Variants in NRXN1 observed in about 807,000 individuals in gnomAD.
The protein encoded by NRXN1 is neurexin 1, also known as neurexin-1.
NRXN1 carries 39 observed loss-of-function variants against 150.9 expected under a neutral mutation model. The observed-to-expected ratio is 0.26, with a 90% CI of 0.20 to 0.34. NRXN1 has a LOEUF of 0.34. Among genes scored for constraint, NRXN1 ranks in the 10% least tolerant of loss-of-function variants. The probability of loss-of-function intolerance (pLI) is 1.00; values close to 1 mark genes in which losing one functional copy is unlikely to be tolerated. For missense variants in NRXN1, 1,815 were observed against 1,949.9 expected (o/e 0.93, Z 1.30); for synonymous variants, 924 against 757.0 (o/e 1.22, Z -3.62).
chr2:50,765,750 G>A (rs2105414670), intron 5 of NRXN1, among the ~76,000 whole-genome samples: 1 of 152,178 alleles, frequency 6.6e-6, no homozygotes, highest in South Asian at 2.1e-4. Context: ...AGCACGGTAA[G>A]GAGGGAAGCA....
intron 17 of NRXN1, among the ~76,000 whole-genome samples, chr2:50,393,563 C>T (rs1049265409): frequency 6.6e-6 from 1 of 152,058 alleles, no homozygotes; most frequent in Non-Finnish European, 1.5e-5. Flanking sequence ...TTAGGCTGTT[C>T]CAAAGTCTGG....
chr2:50,984,365 A>T (rs1434847723), intron 2 of NRXN1, among the ~76,000 whole-genome samples: 2 of 151,768 alleles, frequency 1.3e-5, no homozygotes, highest in East Asian at 3.9e-4. Context: ...TAATAAATAA[A>T]ACAAAAAGAA....
At chr2:49,991,441 A>C (rs1681936965) in intron 21 of NRXN1, among the ~76,000 whole-genome samples, 1 of 152,152 alleles carries the variant, frequency 6.6e-6, no homozygotes. Flanking sequence ...ACAATGAACA[A>C]GTAATATTCA....
intron 21 of NRXN1, among the ~76,000 whole-genome samples, chr2:49,980,935 T>G (rs564898642): frequency 2.7e-4 from 41 of 152,152 alleles, no homozygotes; most frequent in Non-Finnish European, 4.7e-4. Context: ...CAGAGAAAAG[T>G]CCTCAGCCAT....
chr2:50,785,722 G>A (rs557746219), intron 5 of NRXN1, among the ~76,000 whole-genome samples: 1 of 152,140 alleles, frequency 6.6e-6, no homozygotes, highest in Non-Finnish European at 1.5e-5. Flanking sequence ...CAGGTGAGTA[G>A]AGCAGGAGCT....
intron 5 of NRXN1, among the ~76,000 whole-genome samples, chr2:50,915,296 G>C (rs1046645081): frequency 6.6e-6 from 1 of 151,558 alleles, no homozygotes; most frequent in East Asian, 1.9e-4. Context: ...ATATCATTCT[G>C]TGAAGTCATT....
chr2:50,836,897 A>G (rs750180006), intron 5 of NRXN1, among the ~76,000 whole-genome samples: 14 of 151,784 alleles, frequency 9.2e-5, no homozygotes, highest in Non-Finnish European at 1.9e-4. Flanking sequence ...AATAGAAACC[A>G]ATTGGTTTGT....
At chr2:50,953,908 G>A (rs1691844078) in intron 2 of NRXN1, among the ~76,000 whole-genome samples, 1 of 152,116 alleles carries the variant, frequency 6.6e-6, no homozygotes, top group Admixed American at 6.5e-5. Context: ...ATGGTATATT[G>A]TAGATAGGTT....
chr2:49,942,706 T>A (rs1672215507), intron 22 of NRXN1, among the ~76,000 whole-genome samples: 1 of 152,040 alleles, frequency 6.6e-6, no homozygotes. Context: ...GCCTCCAAGA[T>A]TCAAGTGATT....
At chr2:50,404,060 T>G (rs2082580256) in intron 17 of NRXN1, among the ~76,000 whole-genome samples, 1 of 152,082 alleles carries the variant, frequency 6.6e-6, no homozygotes, top group Non-Finnish European at 1.5e-5. Flanking sequence ...AGAAAATTCA[T>G]TCTTTTTCAC....
At chr2:50,327,732 C>G (rs911864898) in intron 17 of NRXN1, among the ~76,000 whole-genome samples, 18 of 151,908 alleles carry the variant, frequency 1.2e-4, no homozygotes, top group African/African-American at 4.4e-4. Flanking sequence ...TCACTGCAAC[C>G]TCTGCCTCCC....
At chr2:50,158,234 T>C (rs2059147099) in intron 18 of NRXN1, among the ~76,000 whole-genome samples, 1 of 151,644 alleles carries the variant, frequency 6.6e-6, no homozygotes, top group Non-Finnish European at 1.5e-5. Context: ...TGTCTTTCTA[T>C]AAGTCTGTGG....
intron 18 of NRXN1, among the ~76,000 whole-genome samples, chr2:50,217,278 G>A (rs971725436): frequency 6.6e-6 from 1 of 152,016 alleles, no homozygotes; most frequent in Non-Finnish European, 1.5e-5. Context: ...TTAAAAAGCA[G>A]TAGACTTATT....
At chr2:51,026,537 A>G in intron 2 of NRXN1, 1 of 1,022,784 alleles carries the variant, frequency 9.8e-7, no homozygotes, top group Non-Finnish European at 1.5e-6. Context: ...TTAAGCCCCA[A>G]GAACCACAGA....
At position 50,347,477 on chromosome 2, in the gene NRXN1, G is replaced by A; in HGVS notation, c.3365-110507C>T. ...TTTCAAGACAGAAGCAGACCCCATG[G>A]AATCCAGGCGCCCCTTCCCTCCATT... On this transcript the variant is annotated intron_variant, in intron 17 of 22. Transcript: ENST00000401669. This position sits in a 1 kb window ranked among gnomAD's most constrained non-coding sequence, Gnocchi z 4.9. 1 of 1,072,564 alleles carries A rather than the reference G, an allele frequency of 9.3e-7. No individual in the cohort carries two copies. Among genetic ancestry groups the A allele is most frequent in the Non-Finnish European group, 1.1e-6 (1 of 880,890 alleles). The allele number at this position is 1,072,564 out of a possible 1,614,324, so 66.4% of individuals were successfully genotyped here. A position where few individuals can be genotyped will look rare whatever the true frequency, so the allele number is the denominator to read the frequency against.
intron 17 of NRXN1, among the ~76,000 whole-genome samples, chr2:50,359,826 T>C (rs755951652): frequency 9.9e-5 from 15 of 151,760 alleles, no homozygotes; most frequent in Non-Finnish European, 1.9e-4. Context: ...AAGGTTGAAA[T>C]GAAGGAAAAA....
At chr2:50,535,050 T>C (rs2093219995) in intron 10 of NRXN1, among the ~76,000 whole-genome samples, 2 of 152,194 alleles carry the variant, frequency 1.3e-5, no homozygotes, top group Non-Finnish European at 2.9e-5. Context: ...AATAACTTGT[T>C]GATAAATGAC....
chr2:50,927,864 C>A (rs1469504619), intron 2 of NRXN1, among the ~76,000 whole-genome samples: 1 of 151,524 alleles, frequency 6.6e-6, no homozygotes, highest in African/African-American at 2.4e-5. Flanking sequence ...TAAAGTGTGG[C>A]CTAAAACTAC....
At chr2:50,141,672 A>G (rs1182193599) in intron 18 of NRXN1, among the ~76,000 whole-genome samples, 7 of 152,156 alleles carry the variant, frequency 4.6e-5, no homozygotes, top group African/African-American at 7.2e-5. Context: ...TACTTAAAGA[A>G]GACATACAAA....
Sources: allele counts gnomAD v4.1 joint callset (sites outside exome capture counted in the v4.1 genomes callset), GRCh38; gene constraint gnomAD v4.1.1; non-coding constraint Gnocchi (gnomAD v3.1); transcripts MANE v1.5; gene names NCBI Gene and HGNC (gene_info 2026-07-23, HGNC 2026-07-21).